Variants in CCDC171 observed in about 807,000 individuals in gnomAD.
The protein encoded by CCDC171 is coiled-coil domain containing 171, also known as coiled-coil domain-containing protein 171.
Under a neutral mutation model 168.2 loss-of-function variants are expected in CCDC171, and 177 were observed. The observed-to-expected ratio is 1.05, with a 90% CI of 0.93 to 1.19. CCDC171 has a LOEUF of 1.19. Among genes scored for constraint, CCDC171 ranks in the 50% most tolerant of loss-of-function variants. The pLI is 0.00. For missense variants in CCDC171, 1,991 were observed against 1,539.0 expected (o/e 1.29, Z -4.91); for synonymous variants, 687 against 540.8 (o/e 1.27, Z -3.75).
intron 20 of CCDC171, among the ~76,000 whole-genome samples, chr9:15,782,104 G>C (rs1205980474): frequency 6.6e-6 from 1 of 152,146 alleles, no homozygotes; most frequent in Non-Finnish European, 1.5e-5. Flanking sequence ...TTTCCTCTAA[G>C]AAAATTGGAG....
chr9:16,076,820 G>C, the CCDC171 span, among the ~76,000 whole-genome samples: 2 of 152,152 alleles, frequency 1.3e-5, no homozygotes, highest in African/African-American at 4.8e-5. Flanking sequence ...AAATCTATTA[G>C]GCTCCATATC....
At chr9:15,954,296 T>G (rs1829545102) in intron 25 of CCDC171, among the ~76,000 whole-genome samples, 1 of 152,100 alleles carries the variant, frequency 6.6e-6, no homozygotes, top group South Asian at 2.1e-4. Flanking sequence ...TTCTTGTTTC[T>G]TAATGTAAGC....
chr9:15,704,466 G>C (rs1054088431), intron 11 of CCDC171, among the ~76,000 whole-genome samples: 2 of 152,056 alleles, frequency 1.3e-5, no homozygotes, highest in Non-Finnish European at 2.9e-5. Flanking sequence ...CCTCCTTTTT[G>C]TCTCTTGACA....
chr9:15,703,749 A>C (rs2051985878), intron 11 of CCDC171, among the ~76,000 whole-genome samples: 1 of 152,186 alleles, frequency 6.6e-6, no homozygotes, highest in African/African-American at 2.4e-5. Context: ...CACTGATTTC[A>C]TTTCTTTTGG....
At chr9:15,690,677 T>G (rs756942381) in intron 10 of CCDC171, among the ~76,000 whole-genome samples, 1 of 152,094 alleles carries the variant, frequency 6.6e-6, no homozygotes, top group Non-Finnish European at 1.5e-5. Flanking sequence ...TTGAAAAATA[T>G]AATTTTGTTT....
intron 1 of CCDC171, among the ~76,000 whole-genome samples, chr9:15,560,374 T>C (rs2039189465): frequency 6.6e-6 from 1 of 152,200 alleles, no homozygotes; most frequent in African/African-American, 2.4e-5. Flanking sequence ...CAATCAGACG[T>C]AGTTTTGGTC....
At chr9:15,691,839 G>A (rs1311899746) in intron 10 of CCDC171, among the ~76,000 whole-genome samples, 1 of 151,952 alleles carries the variant, frequency 6.6e-6, no homozygotes, top group Admixed American at 6.6e-5. Context: ...CACCATGGCT[G>A]TCTGGTTTTT....
chr9:15,922,385 A>G (rs1274422165), intron 25 of CCDC171, among the ~76,000 whole-genome samples: 2 of 151,714 alleles, frequency 1.3e-5, no homozygotes. Flanking sequence ...TCTAAAGGAA[A>G]TAGAAAAACA....
chr9:15,623,395 C>T lies in CCDC171; in HGVS notation c.804C>T (p.Arg268=), dbSNP rs767704138. ...AATTTAGCACTCAACGAGAGGAACG[C>T]CTTAGAAAAGAATTTGAGGTACATT... ...ELEFSTQREE[R]LRKEFEATTL... Residue 268 remains arginine, a synonymous_variant, in exon 7 of 26, where the codon CGC becomes CGT. Transcript: ENST00000380701. The T allele has an allele frequency of 1.2e-6, 2 of 1,602,588 alleles. No homozygotes were observed. Among genetic ancestry groups the T allele is most frequent in the South Asian group, 1.1e-5 (1 of 90,082 alleles).
intron 23 of CCDC171, among the ~76,000 whole-genome samples, chr9:15,869,483 ATACT>A (rs1563908056): frequency 1.3e-5 from 2 of 148,608 alleles, no homozygotes; most frequent in Admixed American, 6.8e-5. Flanking sequence ...TTATCTGATC[ATACT>A]TACTAAGAGC....
At chr9:15,582,071 A>T (rs1012592485) in intron 4 of CCDC171, among the ~76,000 whole-genome samples, 26 of 152,236 alleles carry the variant, frequency 1.7e-4, no homozygotes, top group African/African-American at 6.0e-4. Context: ...CAAAGAACTT[A>T]AACAAATTTA....
intron 8 of CCDC171, among the ~76,000 whole-genome samples, chr9:15,665,354 T>C (rs2048657434): frequency 6.6e-6 from 1 of 152,204 alleles, no homozygotes; most frequent in African/African-American, 2.4e-5. Flanking sequence ...AATAGTATTG[T>C]TTGACAATAA....
chr9:15,958,473 T>C (rs1283359570), intron 25 of CCDC171, among the ~76,000 whole-genome samples: 2 of 149,316 alleles, frequency 1.3e-5, no homozygotes, highest in Non-Finnish European at 3.0e-5. Context: ...TACTGTGCTA[T>C]TATAAAAGTG....
At chr9:16,019,515 G>A (rs1027951435) in intron 3 of CCDC171, among the ~76,000 whole-genome samples, 15 of 152,218 alleles carry the variant, frequency 9.9e-5, no homozygotes, top group Admixed American at 9.2e-4. Flanking sequence ...AAGGGCAAGA[G>A]TTGAGCTGTG....
intron 24 of CCDC171, among the ~76,000 whole-genome samples, chr9:15,913,671 A>T (rs767393684): frequency 1.3e-5 from 2 of 151,988 alleles, no homozygotes; most frequent in Non-Finnish European, 1.5e-5. Flanking sequence ...TTTTCCATCC[A>T]GTTTTGTTTC....
chr9:15,863,872 G>C lies in CCDC171; in HGVS notation c.3469-10660G>C, dbSNP rs139619495. On this transcript the variant is annotated intron_variant, in intron 23 of 25. Coordinates refer to ENST00000380701, the MANE Select transcript of CCDC171 (RefSeq NM_173550.4). ...GGAAATAAGATTCTCCCCATCTCCAGGGTTGTTGCTGCTTGCTCTAGTTGT... is the reference window on the plus strand; with the variant it reads ...GGAAATAAGATTCTCCCCATCTCCACGGTTGTTGCTGCTTGCTCTAGTTGT... Among the ~76,000 whole-genome samples the C allele has an allele frequency of 2.8e-4, 39 of 141,382 alleles. 1 individual carries two copies. Among genetic ancestry groups the C allele is most frequent in the East Asian group, 2.6e-3 (13 of 4,974 alleles). 92.8% of individuals were successfully genotyped at this position (141,382 alleles called of 152,430 possible).
chr9:15,623,815 A>T (rs1008471294), intron 7 of CCDC171, among the ~76,000 whole-genome samples: 11 of 152,198 alleles, frequency 7.2e-5, no homozygotes, highest in Non-Finnish European at 1.2e-4. Flanking sequence ...TGTAGTTTGA[A>T]TCATGTATGG....
chr9:15,882,319 C>T (rs1818755088), intron 24 of CCDC171, among the ~76,000 whole-genome samples: 1 of 152,126 alleles, frequency 6.6e-6, no homozygotes, highest in South Asian at 2.1e-4. Context: ...TGTTTGAGCT[C>T]CTTGCATATT....
chr9:15,625,387 T>C (rs1327256124), intron 7 of CCDC171, among the ~76,000 whole-genome samples: 2 of 152,224 alleles, frequency 1.3e-5, no homozygotes, highest in Non-Finnish European at 2.9e-5. Flanking sequence ...ATGAAGTCCT[T>C]CCCCATGCCT....
Sources: allele counts gnomAD v4.1 joint callset (sites outside exome capture counted in the v4.1 genomes callset), GRCh38; gene constraint gnomAD v4.1.1; transcripts MANE v1.5; gene names NCBI Gene and HGNC (gene_info 2026-07-23, HGNC 2026-07-21).